PLXDC2: variants seen among roughly 807,000 people sequenced by gnomAD.
The protein encoded by PLXDC2 is plexin domain containing 2.
In PLXDC2, 40 loss-of-function variants were observed where a neutral mutation model predicts 68.9. That is an observed-to-expected ratio of 0.58 (90% CI 0.45 to 0.76). The LOEUF is 0.76. PLXDC2 is among the 30% of genes least tolerant of loss of function. PLXDC2 has a pLI of 0.00. For missense variants in PLXDC2, 644 were observed against 661.9 expected (o/e 0.97, Z 0.30); for synonymous variants, 243 against 234.2 (o/e 1.04, Z -0.34).
intron 4 of PLXDC2, among the ~76,000 whole-genome samples, chr10:20,118,066 G>A (rs1233817760): frequency 1.3e-5 from 2 of 151,546 alleles, no homozygotes; most frequent in Non-Finnish European, 2.9e-5. Flanking sequence ...ATACATATGT[G>A]TCTATATATG....
chr10:20,112,428 TAC>T (rs2131749486), intron 4 of PLXDC2, among the ~76,000 whole-genome samples: 1 of 152,316 alleles, frequency 6.6e-6, no homozygotes, highest in South Asian at 2.1e-4. Context: ...TTCCTGAATG[TAC>T]AGACTTGATC....
intron 1 of PLXDC2, among the ~76,000 whole-genome samples, chr10:19,884,719 A>G (rs1452433778): frequency 6.6e-6 from 1 of 152,186 alleles, no homozygotes; most frequent in Non-Finnish European, 1.5e-5. Flanking sequence ...TCCATGGTGT[A>G]TATGTGCCAC....
chr10:19,975,353 G>A (rs746363607), intron 1 of PLXDC2, among the ~76,000 whole-genome samples: 6 of 152,110 alleles, frequency 3.9e-5, no homozygotes, highest in Admixed American at 6.5e-5. Flanking sequence ...AGCTACTCGG[G>A]AGGCCGAGGC....
chr10:19,985,489 C>T (rs1283033172), intron 1 of PLXDC2, among the ~76,000 whole-genome samples: 2 of 152,178 alleles, frequency 1.3e-5, no homozygotes, highest in Non-Finnish European at 2.9e-5. Context: ...GTGGAAAACT[C>T]AGGTATTTCA....
At chr10:20,059,208 C>T (rs968578813) in intron 3 of PLXDC2, among the ~76,000 whole-genome samples, 2 of 152,162 alleles carry the variant, frequency 1.3e-5, no homozygotes, top group Admixed American at 6.6e-5. Flanking sequence ...CTCACCCAAA[C>T]CCCATGTTTC....
rs192356229 is a variant in PLXDC2, at chr10:20,285,210, A to G, written c.*5391A>G. On this transcript the variant is annotated 3_prime_UTR_variant, in exon 14 of 14. Coordinates refer to ENST00000377252, the MANE Select transcript of PLXDC2 (RefSeq NM_032812.9). ...TGCGAGGTCTGTGGTGTTACCTTTT[A>G]TATACTCCTATTACCTTATGTTTGT... 1 of 152,178 alleles carries G rather than the reference A, an allele frequency of 6.6e-6. No individual in the cohort carries two copies. Among genetic ancestry groups the G allele is most frequent in the Admixed American group, 6.5e-5 (1 of 15,288 alleles). 9.4% of individuals were successfully genotyped at this position (152,178 alleles called of 1,614,324 possible). A position where few individuals can be genotyped will look rare whatever the true frequency, so the allele number is the denominator to read the frequency against.
chr10:20,272,116 C>T (rs2482817), intron 13 of PLXDC2, among the ~76,000 whole-genome samples: 75,906 of 151,812 alleles, frequency 0.5, 19,660 homozygotes, highest in Middle Eastern at 0.65. Flanking sequence ...GGGAAGGGCC[C>T]TTTTTCAGGG....
chr10:20,235,324 G>A (rs1049997173), intron 12 of PLXDC2, among the ~76,000 whole-genome samples: 3 of 152,130 alleles, frequency 2.0e-5, no homozygotes, highest in South Asian at 2.1e-4. Flanking sequence ...AAGAATGAGG[G>A]TAGTAATCAA....
At chr10:20,198,148 G>A (rs1834866613) in intron 9 of PLXDC2, among the ~76,000 whole-genome samples, 1 of 152,132 alleles carries the variant, frequency 6.6e-6, no homozygotes, top group South Asian at 2.1e-4. Context: ...ATATTTCTGA[G>A]GGTGTGAGTA....
intron 4 of PLXDC2, among the ~76,000 whole-genome samples, chr10:20,124,613 G>A (rs933935479): frequency 6.6e-6 from 1 of 151,998 alleles, no homozygotes; most frequent in Non-Finnish European, 1.5e-5. Context: ...GGGTGCAGGC[G>A]GGCTGAGTCC....
chr10:19,962,337 T>C (rs1834167643), intron 1 of PLXDC2, among the ~76,000 whole-genome samples: 1 of 41,528 alleles, frequency 2.4e-5, no homozygotes, highest in Admixed American at 2.0e-4. Context: ...AGGAGGTTCT[T>C]TTTTTTTTTT....
At chr10:19,898,491 CA>C (rs1345819815) in intron 1 of PLXDC2, among the ~76,000 whole-genome samples, 3 of 152,124 alleles carry the variant, frequency 2.0e-5, no homozygotes, top group African/African-American at 4.8e-5. Flanking sequence ...ACAGTGACAA[CA>C]AAAATTAACT....
intron 2 of PLXDC2, among the ~76,000 whole-genome samples, chr10:20,007,959 G>A (rs755253360): frequency 1.3e-5 from 2 of 152,168 alleles, no homozygotes; most frequent in Non-Finnish European, 2.9e-5. Context: ...CATATCTGAG[G>A]AAAGTACAGT....
chr10:20,162,157 A>C (rs1009872966), intron 6 of PLXDC2, among the ~76,000 whole-genome samples: 5 of 151,740 alleles, frequency 3.3e-5, no homozygotes, highest in Non-Finnish European at 7.4e-5. Context: ...AAAGGAAGGA[A>C]GGAAGGAAGA....
chr10:20,059,212 A>G (rs1424640454), intron 3 of PLXDC2, among the ~76,000 whole-genome samples: 1 of 152,184 alleles, frequency 6.6e-6, no homozygotes, highest in Admixed American at 6.6e-5. Flanking sequence ...CCCAAACCCC[A>G]TGTTTCCTTG....
chr10:19,953,896 T>C (rs573657448), intron 1 of PLXDC2, among the ~76,000 whole-genome samples: 1 of 152,260 alleles, frequency 6.6e-6, no homozygotes, highest in South Asian at 2.1e-4. Flanking sequence ...CAAGCCTTGG[T>C]GATTGTTTTA....
Position 19,885,962 on chromosome 10 carries a change from G to A in PLXDC2, c.112+68771G>A, listed in dbSNP as rs561409540. 5.0e-3 allele frequency among the ~76,000 whole-genome samples: 762 copies of A among 152,106 alleles called. 3 individuals carry two copies. The highest frequency in any genetic ancestry group is 0.017 in the African/African-American group (710 of 41,472). On this transcript the variant is annotated intron_variant, in intron 1 of 13. Coordinates refer to ENST00000377252, the MANE Select transcript of PLXDC2 (RefSeq NM_032812.9). ...CCTTGGGCAGTATGGCCATTTTCATGATATTGATTCTTCCTACCCATGAGC... is the reference window on the plus strand; with the variant it reads ...CCTTGGGCAGTATGGCCATTTTCATAATATTGATTCTTCCTACCCATGAGC...
At chr10:20,042,823 CTGTT>C (rs1017763984) in intron 2 of PLXDC2, among the ~76,000 whole-genome samples, 8 of 152,064 alleles carry the variant, frequency 5.3e-5, no homozygotes, top group Admixed American at 1.3e-4. Context: ...TGTAGGTCCT[CTGTT>C]TGTCTACAGC....
chr10:19,840,174 C>T (rs977697334), intron 1 of PLXDC2, among the ~76,000 whole-genome samples: 3 of 151,822 alleles, frequency 2.0e-5, no homozygotes, highest in African/African-American at 7.3e-5. Flanking sequence ...CAGTTAATAT[C>T]TATATATAGT....
Sources: allele counts gnomAD v4.1 joint callset (sites outside exome capture counted in the v4.1 genomes callset), GRCh38; gene constraint gnomAD v4.1.1; transcripts MANE v1.5; gene names NCBI Gene and HGNC (gene_info 2026-07-23, HGNC 2026-07-21).